STIM2: variants seen among roughly 807,000 people sequenced by gnomAD.
STIM2 encodes stromal interaction molecule 2.
A neutral mutation model predicts 85.8 loss-of-function variants in STIM2; 31 were observed. The observed-to-expected ratio is 0.36, with a 90% CI of 0.27 to 0.49. The LOEUF (loss-of-function observed/expected upper bound fraction) is 0.49. STIM2 is among the 20% of genes least tolerant of loss of function. The pLI, the probability that STIM2 is intolerant of heterozygous loss-of-function variation, is 0.98. For missense variants in STIM2, 841 were observed against 927.6 expected (o/e 0.91, Z 1.21); for synonymous variants, 356 against 331.1 (o/e 1.08, Z -0.82).
At chr4:26,885,980 T>C (rs990704105) in intron 1 of STIM2, among the ~76,000 whole-genome samples, 7 of 151,432 alleles carry the variant, frequency 4.6e-5, no homozygotes, top group African/African-American at 1.7e-4. Flanking sequence ...TTAAATCTGA[T>C]TTTTAGATAC....
intron 1 of STIM2, among the ~76,000 whole-genome samples, chr4:26,884,662 G>A (rs545093095): frequency 2.2e-4 from 33 of 152,330 alleles, no homozygotes; most frequent in African/African-American, 7.9e-4. Context: ...TCAGTTGGCT[G>A]TAGTAGAAAC....
chr4:26,889,618 T>C (rs1389560463), intron 1 of STIM2, among the ~76,000 whole-genome samples: 4 of 152,192 alleles, frequency 2.6e-5, no homozygotes, highest in Non-Finnish European at 5.9e-5. Flanking sequence ...AACGGTGCCA[T>C]ATCAGGGACT....
At chr4:26,872,816 C>T (rs1322315288) in intron 1 of STIM2, among the ~76,000 whole-genome samples, 3 of 152,050 alleles carry the variant, frequency 2.0e-5, no homozygotes, top group South Asian at 2.1e-4. Context: ...ATGTGGGGTA[C>T]TTTTTAATTT....
At chr4:26,969,864 G>A (rs1016708214) in intron 3 of STIM2, among the ~76,000 whole-genome samples, 8 of 152,042 alleles carry the variant, frequency 5.3e-5, no homozygotes, top group Non-Finnish European at 1.0e-4. Context: ...CTGAATTTAT[G>A]ACAAAACTAA....
intron 3 of STIM2, among the ~76,000 whole-genome samples, chr4:26,960,046 T>G (rs945838731): frequency 2.6e-5 from 4 of 152,196 alleles, no homozygotes; most frequent in African/African-American, 9.6e-5. Context: ...AGACTCTGTT[T>G]ATTAAAGGGG....
At chr4:26,861,887 A>G (rs1222785568) in intron 1 of STIM2, among the ~76,000 whole-genome samples, 1 of 152,014 alleles carries the variant, frequency 6.6e-6, no homozygotes, top group Non-Finnish European at 1.5e-5. Flanking sequence ...ATACCTAGTG[A>G]TATTAGTGGT....
At chr4:26,873,280 T>A (rs976668323) in intron 1 of STIM2, among the ~76,000 whole-genome samples, 79 of 151,994 alleles carry the variant, frequency 5.2e-4, no homozygotes, top group African/African-American at 1.8e-3. Context: ...GTGCCTGTAA[T>A]CCCAGCTACT....
At chr4:26,911,408 C>T (rs915322023) in intron 1 of STIM2, among the ~76,000 whole-genome samples, 1 of 152,010 alleles carries the variant, frequency 6.6e-6, no homozygotes, top group Non-Finnish European at 1.5e-5. Context: ...ACTTCTTATG[C>T]AAAGTGAGTG....
intron 3 of STIM2, among the ~76,000 whole-genome samples, chr4:26,963,490 TGGC>T (rs1397080608): frequency 6.6e-6 from 1 of 152,190 alleles, no homozygotes; most frequent in African/African-American, 2.4e-5. Flanking sequence ...GTTATCTTTG[TGGC>T]ATCCATCAAC....
At chr4:26,874,734 GTATT>G (rs1236729888) in intron 1 of STIM2, among the ~76,000 whole-genome samples, 1 of 152,198 alleles carries the variant, frequency 6.6e-6, no homozygotes, top group Admixed American at 6.5e-5. Flanking sequence ...AAATCAGTAA[GTATT>G]AGGCATAGAC....
intron 3 of STIM2, among the ~76,000 whole-genome samples, chr4:26,966,429 A>G (rs1726719999): frequency 6.6e-6 from 1 of 152,180 alleles, no homozygotes; most frequent in South Asian, 2.1e-4. Context: ...CTGCTTTTGA[A>G]TAAAGGACTT....
intron 4 of STIM2, among the ~76,000 whole-genome samples, chr4:26,998,633 C>T (rs977299343): frequency 5.3e-5 from 8 of 152,172 alleles, no homozygotes; most frequent in South Asian, 2.1e-4. Flanking sequence ...CAACTTTAGG[C>T]TGGGAGCGGT....
chr4:26,957,822 A>C, intron 3 of STIM2, 96 bp downstream of exon 3: 1 of 708,758 alleles, frequency 1.4e-6, no homozygotes, highest in Non-Finnish European at 2.4e-6. Context: ...TACCAAAAAA[A>C]TCAAAATAAC....
intron 1 of STIM2, among the ~76,000 whole-genome samples, chr4:26,862,295 A>C (rs1278651772): frequency 6.7e-6 from 1 of 149,872 alleles, no homozygotes; most frequent in African/African-American, 2.5e-5. Flanking sequence ...TTCTTTGGGA[A>C]AAGTAATGGA....
intron 1 of STIM2, among the ~76,000 whole-genome samples, chr4:26,894,236 C>T (rs1008113063): frequency 5.9e-5 from 9 of 152,092 alleles, no homozygotes; most frequent in South Asian, 2.1e-4. Context: ...ATATCTCTTC[C>T]GAATTTTTGC....
chr4:26,930,388 T>C (rs892118634), intron 2 of STIM2, among the ~76,000 whole-genome samples: 3 of 152,096 alleles, frequency 2.0e-5, no homozygotes, highest in African/African-American at 7.2e-5. Flanking sequence ...TGAATGAACA[T>C]TTTTTTCATT....
chr4:26,897,860 G>A (rs1487911065), intron 1 of STIM2, among the ~76,000 whole-genome samples: 1 of 152,036 alleles, frequency 6.6e-6, no homozygotes, highest in African/African-American at 2.4e-5. Flanking sequence ...TGACCTTCTG[G>A]GGTCAAGGGA....
At chr4:26,934,331 T>C (rs189552423) in intron 2 of STIM2, among the ~76,000 whole-genome samples, 1 of 152,338 alleles carries the variant, frequency 6.6e-6, no homozygotes, top group Non-Finnish European at 1.5e-5. Flanking sequence ...GCAACCCAAA[T>C]TTGGAGACCA....
chr4:26,891,401 C>G (rs1348175022), intron 1 of STIM2, among the ~76,000 whole-genome samples: 2 of 152,202 alleles, frequency 1.3e-5, no homozygotes, highest in African/African-American at 4.8e-5. Flanking sequence ...AATTTGGACT[C>G]AAGTAAAACA....
Sources: allele counts gnomAD v4.1 joint callset (sites outside exome capture counted in the v4.1 genomes callset), GRCh38; gene constraint gnomAD v4.1.1; transcripts MANE v1.5; gene names NCBI Gene and HGNC (gene_info 2026-07-23, HGNC 2026-07-21).